The following SLC9A4 variants were observed in gnomAD, a reference collection of about 807,000 sequenced individuals.
The protein encoded by SLC9A4 is solute carrier family 9 member A4, also known as sodium/hydrogen exchanger 4.
SLC9A4 carries 63 observed loss-of-function variants against 67.4 expected under a neutral mutation model. The ratio of observed to expected loss-of-function variants is 0.93; its 90% CI spans 0.76 to 1.15. The LOEUF is 1.15. Among genes scored for constraint, SLC9A4 ranks in the 50% most tolerant of loss-of-function variants. The pLI is 0.00. For missense variants in SLC9A4, 1,089 were observed against 987.7 expected (o/e 1.10, Z -1.38); for synonymous variants, 393 against 367.2 (o/e 1.07, Z -0.80).
At chr2:102,505,573 T>C in intron 4 of SLC9A4, 102 bp downstream of exon 4, 7 of 1,157,258 alleles carry the variant, frequency 6.0e-6, no homozygotes, top group Non-Finnish European at 8.6e-6. Flanking sequence ...AGATGCTAAC[T>C]GGTTTTACCG....
At chr2:102,521,009 T>C (rs886838844) in intron 9 of SLC9A4, among the ~76,000 whole-genome samples, 10 of 152,232 alleles carry the variant, frequency 6.6e-5, no homozygotes, top group Non-Finnish European at 5.9e-5. Flanking sequence ...GTAGTGCGCT[T>C]AGAGTAAATT....
At chr2:102,491,317 C>CTTTTTTTTTTTTTTTTTTTTTTTTTT in intron 2 of SLC9A4, among the ~76,000 whole-genome samples, 1 of 45,740 alleles carries the variant, frequency 2.2e-5, no homozygotes, top group Non-Finnish European at 4.1e-5. Context: ...TGTACTAATG[C>CTTTTTTTTTTTTTTTTTTTTTTTTTT]TTTTTTTTTT....
intron 8 of SLC9A4, among the ~76,000 whole-genome samples, chr2:102,518,967 C>T (rs1176632630): frequency 6.6e-6 from 1 of 152,068 alleles, no homozygotes; most frequent in African/African-American, 2.4e-5. Context: ...CCTTTTTGTT[C>T]TTATGTTCCA....
In SLC9A4 at chr2:102,488,721, G is replaced by A. The variant is rs1204773393; in HGVS notation, c.720+9419G>A. Reference sequence around the variant, plus strand: ...CCACCACCACGCCCGGCTAATTTTTGTATTTTTAGTAGAGACAGGGTTTCA... The same window carrying A: ...CCACCACCACGCCCGGCTAATTTTTATATTTTTAGTAGAGACAGGGTTTCA... On this transcript the variant is annotated intron_variant, in intron 2 of 11. Coordinates refer to ENST00000295269, the MANE Select transcript of SLC9A4 (RefSeq NM_001011552.4). Among the ~76,000 whole-genome samples, 5 of 151,790 alleles carry A rather than the reference G, an allele frequency of 3.3e-5. No individual in the cohort carries two copies. The East Asian group carries it at 9.7e-4, about 29-fold the overall frequency.
At chr2:102,505,114 C>T in intron 3 of SLC9A4, 140 bp from the exon 4 acceptor site, 1 of 743,482 alleles carries the variant, frequency 1.3e-6, no homozygotes. Context: ...TGCGGAAAAT[C>T]TGCAGCCACA....
At chr2:102,508,959 A>G (rs766249576) in intron 6 of SLC9A4, 26 bp downstream of exon 6, 3 of 1,568,794 alleles carry the variant, frequency 1.9e-6, no homozygotes, top group Non-Finnish European at 2.6e-6. Context: ...GTCACAATTA[A>G]TAAATTAACA....
chr2:102,489,205 G>T (rs975942327), intron 2 of SLC9A4, among the ~76,000 whole-genome samples: 2 of 152,182 alleles, frequency 1.3e-5, no homozygotes, highest in Non-Finnish European at 2.9e-5. Context: ...CCAAATTGAT[G>T]TGGGGAGTGA....
intron 4 of SLC9A4, 27 bp from the exon 5 acceptor site, chr2:102,508,052 C>T (rs754126430): frequency 2.5e-6 from 4 of 1,607,290 alleles, no homozygotes; most frequent in Middle Eastern, 1.7e-4. Flanking sequence ...TGATCCTCTG[C>T]TCTAATACAC....
In SLC9A4 at chr2:102,526,302, A is replaced by T. The variant is rs115217520; in HGVS notation, c.1994A>T (p.Asn665Ile). The change falls in exon 11 of 12, where the codon AAT becomes ATT. Residue 665 changes from asparagine (N) to isoleucine (I), a missense_variant. Asn to Ile is a moderately radical substitution (Grantham distance 149). Transcript: ENST00000295269. ...CGCTACCTCTCCTACCCCTACGGGA[A>T]TCCTCAGTCTGCAGGAAGAGACACA... ...NIRYLSYPYG[N>I]PQSAGRDTRA... 3.9e-4 allele frequency: 631 copies of T among 1,613,882 alleles called. 2 individuals are homozygous for T. In the African/African-American group the frequency reaches 7.0e-3, roughly 18 times the overall value.
At chr2:102,474,533 A>G (rs1684287850) in intron 1 of SLC9A4, among the ~76,000 whole-genome samples, 1 of 152,190 alleles carries the variant, frequency 6.6e-6, no homozygotes, top group African/African-American at 2.4e-5. Context: ...TTACTCAGTG[A>G]TGGGATGTCG....
intron 2 of SLC9A4, among the ~76,000 whole-genome samples, chr2:102,493,404 G>A (rs112505882): frequency 0.048 from 7,274 of 151,950 alleles, 254 homozygotes; most frequent in Middle Eastern, 0.095. Context: ...TGACTGGGGA[G>A]GCCTCACAAT....
At chr2:102,479,356 G>A (rs186953982) in intron 2 of SLC9A4, 54 bp downstream of exon 2, 5 of 1,527,362 alleles carry the variant, frequency 3.3e-6, no homozygotes, top group Non-Finnish European at 4.4e-6. Context: ...TTCGGGGTGG[G>A]GCTGGGGACC....
At chr2:102,502,936 C>T (rs1684972542) in intron 2 of SLC9A4, among the ~76,000 whole-genome samples, 1 of 152,240 alleles carries the variant, frequency 6.6e-6, no homozygotes, top group Non-Finnish European at 1.5e-5. Context: ...AGAGGGATCA[C>T]TTTCAGAGCC....
At chr2:102,521,711 C>T (rs1456184009) in intron 9 of SLC9A4, among the ~76,000 whole-genome samples, 2 of 152,228 alleles carry the variant, frequency 1.3e-5, no homozygotes, top group African/African-American at 2.4e-5. Flanking sequence ...TTCTAGCAGA[C>T]AATCTACATT....
Position 102,503,659 on chromosome 2 carries a change from A to G in SLC9A4, c.932A>G (p.Tyr311Cys), listed in dbSNP as rs1348552628. The G allele has an allele frequency of 1.2e-6, 2 of 1,614,140 alleles. No homozygotes were observed. Among genetic ancestry groups the G allele is most frequent in the East Asian group, 2.2e-5 (1 of 44,878 alleles). Residue 311 changes from tyrosine (Y) to cysteine (C), a missense_variant, in exon 3 of 12, where the codon TAT (tyrosine) becomes TGT (cysteine). Transcript: ENST00000295269. ...IEPLIVFMFS[Y>C]LSYLAAETLY... Reference sequence around the variant, plus strand: ...CCACTCATCGTCTTCATGTTCAGCTATTTGTCTTACTTAGCTGCTGAAACC... The same window carrying G: ...CCACTCATCGTCTTCATGTTCAGCTGTTTGTCTTACTTAGCTGCTGAAACC...
Position 102,505,530 on chromosome 2 carries a change from C to T in SLC9A4, c.1198+59C>T, listed in dbSNP as rs1476480809. On this transcript the variant is annotated intron_variant, in intron 4 of 11. Coordinates refer to ENST00000295269, the MANE Select transcript of SLC9A4 (RefSeq NM_001011552.4). ...CTGCTGCATTTTCAGTTCTCTTATT[C>T]CCTTCCGCAATGTTAAAACTGGAGG... 2.0e-6 allele frequency: 3 copies of T among 1,530,194 alleles called. No homozygotes were observed. In the African/African-American group the frequency reaches 4.1e-5, roughly 21 times the overall value. 94.8% of individuals were successfully genotyped at this position (1,530,194 alleles called of 1,614,324 possible).
intron 6 of SLC9A4, among the ~76,000 whole-genome samples, chr2:102,509,672 A>G (rs1010822164): frequency 6.6e-6 from 1 of 152,170 alleles, no homozygotes; most frequent in Admixed American, 6.5e-5. Flanking sequence ...CCAAATCTCA[A>G]TATCTCCATC....
intron 6 of SLC9A4, among the ~76,000 whole-genome samples, chr2:102,510,495 A>G: frequency 6.6e-6 from 1 of 152,184 alleles, no homozygotes. Context: ...AAGACATTTC[A>G]ACTGAATCAG....
chr2:102,523,228 C>G lies in SLC9A4; in HGVS notation c.1819-1796C>G, dbSNP rs920416844. On this transcript the variant is annotated intron_variant, in intron 9 of 11. Transcript: ENST00000295269. ...GGGCTCAGTGATCCACTTGTCTTGG[C>G]CTCCTGAAGTGCTAGGATTACCAGT... Among the ~76,000 whole-genome samples the G allele has an allele frequency of 2.0e-5, 3 of 152,028 alleles. No homozygotes were observed. The East Asian group carries it at 5.8e-4, about 29-fold the overall frequency.
Sources: gnomAD v4.1 joint callset for allele counts (sites outside exome capture counted in the v4.1 genomes callset) on GRCh38, gnomAD v4.1.1 for gene constraint, MANE v1.5 for transcripts, NCBI Gene and HGNC (gene_info 2026-07-23, HGNC 2026-07-21) for gene names.